The following RBFOX1 variants were observed in gnomAD, a reference collection of about 807,000 sequenced individuals.
The protein encoded by RBFOX1 is RNA binding protein fox-1 homolog 1.
Under a neutral mutation model 57.7 loss-of-function variants are expected in RBFOX1, and 8 were observed. The observed-to-expected ratio is 0.14, with a 90% CI of 0.08 to 0.25. The LOEUF (loss-of-function observed/expected upper bound fraction) is 0.25, where lower values mean the gene tolerates loss of function less well. Among genes scored for constraint, RBFOX1 ranks in the 10% least tolerant of loss-of-function variants. RBFOX1 has a pLI of 1.00. For synonymous variants in RBFOX1, 326 were observed against 222.4 expected, an observed-to-expected ratio of 1.47 and a Z score of -4.15; for missense variants, 611 against 548.5, an observed-to-expected ratio of 1.11 and a Z score of -1.14.
At chr16:5,893,251 T>C (rs2058087347) in intron 4 of RBFOX1, among the ~76,000 whole-genome samples, 1 of 152,230 alleles carries the variant, frequency 6.6e-6, no homozygotes, top group Admixed American at 6.5e-5. Flanking sequence ...GGTTTTAGCA[T>C]AGTATTTTAC....
chr16:6,962,062 C>T (rs570647033), intron 3 of RBFOX1, among the ~76,000 whole-genome samples: 1 of 152,194 alleles, frequency 6.6e-6, no homozygotes, highest in Non-Finnish European at 1.5e-5. Flanking sequence ...TAGAAGGCCT[C>T]TGACACTTTC....
At chr16:6,544,720 C>G (rs2096871070) in intron 2 of RBFOX1, among the ~76,000 whole-genome samples, 1 of 152,152 alleles carries the variant, frequency 6.6e-6, no homozygotes, top group Non-Finnish European at 1.5e-5. Context: ...TCTTTTCAAA[C>G]CTCAGTTTCC....
chr16:6,823,168 G>A (rs11077089), intron 3 of RBFOX1, among the ~76,000 whole-genome samples: 59,368 of 151,608 alleles, frequency 0.39, 12,599 homozygotes, highest in Non-Finnish European at 0.48. Context: ...GCCCCAAAGT[G>A]ATTAGGGAGC....
intron 1 of RBFOX1, among the ~76,000 whole-genome samples, chr16:6,269,439 A>G (rs1271074652): frequency 6.6e-6 from 1 of 152,210 alleles, no homozygotes; most frequent in Non-Finnish European, 1.5e-5. Context: ...AAGTCACATG[A>G]TAGTCAAACT....
At chr16:7,687,319 A>G (rs183911418) in intron 14 of RBFOX1, among the ~76,000 whole-genome samples, 1 of 151,792 alleles carries the variant, frequency 6.6e-6, no homozygotes, top group Non-Finnish European at 1.5e-5. Context: ...ATTGCAAGGA[A>G]CCTCCCTTTG....
chr16:7,200,625 T>C (rs2088118983), intron 4 of RBFOX1, among the ~76,000 whole-genome samples: 1 of 152,224 alleles, frequency 6.6e-6, no homozygotes, highest in South Asian at 2.1e-4. Flanking sequence ...CTTTATGCCT[T>C]CTTTTAAAGG....
At position 7,120,967 on chromosome 16, in the gene RBFOX1, A is replaced by G. The variant is rs148202448; in HGVS notation, c.27+68869A>G. ...CAAGGCTGGTTTCATATTGAAAAAAATCAATGTTATGTACCATATTAACAC... is the reference window on the plus strand; with the variant it reads ...CAAGGCTGGTTTCATATTGAAAAAAGTCAATGTTATGTACCATATTAACAC... On this transcript the variant is annotated intron_variant, in intron 4 of 15. Coordinates refer to ENST00000550418, the MANE Select transcript of RBFOX1 (RefSeq NM_018723.4). Among the ~76,000 whole-genome samples the G allele has an allele frequency of 3.2e-4, 49 of 152,082 alleles. 3 individuals are homozygous for G. In the East Asian group the frequency reaches 7.3e-3, roughly 23 times the overall value.
intron 3 of RBFOX1, among the ~76,000 whole-genome samples, chr16:7,002,442 C>T (rs185506073): frequency 7.7e-4 from 117 of 152,250 alleles, no homozygotes; most frequent in Non-Finnish European, 1.4e-3. Flanking sequence ...TCGCTGGGCG[C>T]GATGGCTCAT....
intron 3 of RBFOX1, among the ~76,000 whole-genome samples, chr16:6,788,665 C>T (rs890463967): frequency 1.3e-5 from 2 of 151,644 alleles, no homozygotes. Context: ...TTAGTAGAGA[C>T]GGGGTTTCAC....
chr16:6,892,209 C>T (rs949309172), intron 3 of RBFOX1, among the ~76,000 whole-genome samples: 10 of 152,140 alleles, frequency 6.6e-5, no homozygotes, highest in African/African-American at 2.4e-5. Flanking sequence ...TTTGGCCAAG[C>T]AGAACTTCCC....
At chr16:5,981,288 C>T (rs1409997488) in intron 4 of RBFOX1, among the ~76,000 whole-genome samples, 1 of 152,162 alleles carries the variant, frequency 6.6e-6, no homozygotes, top group Non-Finnish European at 1.5e-5. Context: ...TTATGGAGAG[C>T]TGGCATCTAC....
chr16:7,153,741 A>AAG (rs34323446), intron 4 of RBFOX1, among the ~76,000 whole-genome samples: 2 of 150,892 alleles, frequency 1.3e-5, no homozygotes, highest in South Asian at 4.2e-4. Flanking sequence ...AAAAAAAAAA[A>AAG]TAAGGAAAGA....
In RBFOX1 at chr16:6,972,423, G is replaced by A. The variant is rs139538810; in HGVS notation, c.-15-79634G>A. Reference sequence around the variant, plus strand: ...CATCCATGGTGTAGGATGTTTCTTCGTTTTTCAAGGCTAAGTAATATTCCC... The same window carrying A: ...CATCCATGGTGTAGGATGTTTCTTCATTTTTCAAGGCTAAGTAATATTCCC... On this transcript the variant is annotated intron_variant, in intron 3 of 15. Transcript: ENST00000550418. Among the ~76,000 whole-genome samples, 249 of 151,984 alleles carry A rather than the reference G, an allele frequency of 1.6e-3. 1 individual carries two copies. Among genetic ancestry groups the A allele is most frequent in the Admixed American group, 5.1e-3 (78 of 15,266 alleles).
intron 3 of RBFOX1, among the ~76,000 whole-genome samples, chr16:6,957,353 G>A (rs574898673): frequency 1.3e-5 from 2 of 152,026 alleles, no homozygotes; most frequent in African/African-American, 4.8e-5. Context: ...GGATGGTCTC[G>A]ATCTCCTGAC....
In RBFOX1 at chr16:7,687,835, T is replaced by G. The variant is rs2076392475; in HGVS notation, c.995+10997T>G. Among the ~76,000 whole-genome samples, 3 of 151,976 alleles carry G rather than the reference T, an allele frequency of 2.0e-5. No homozygotes were observed. The South Asian group carries it at 6.2e-4, about 32-fold the overall frequency. On this transcript the variant is annotated intron_variant, in intron 14 of 15. Coordinates refer to ENST00000550418, the MANE Select transcript of RBFOX1 (RefSeq NM_018723.4). ...CTGTTTCCTGAAGAGGCAAGATACA[T>G]ATGTTCAGAGAGGTATTCATACAGT...
intron 4 of RBFOX1, among the ~76,000 whole-genome samples, chr16:7,474,958 C>T (rs771891975): frequency 2.6e-5 from 4 of 152,112 alleles, no homozygotes; most frequent in Non-Finnish European, 4.4e-5. Context: ...AATGCAGAGC[C>T]GCCATCTTTC....
intron 9 of RBFOX1, among the ~76,000 whole-genome samples, chr16:7,599,633 A>G (rs13332754): frequency 3.6e-5 from 5 of 140,650 alleles, no homozygotes; most frequent in African/African-American, 1.4e-4. Flanking sequence ...AGAAATTAAT[A>G]AAGACTTTTT....
At position 5,795,933 on chromosome 16, in the gene RBFOX1, C is replaced by G. The variant is rs541362463; in HGVS notation, c.319-71370C>G. 4.6e-5 allele frequency among the ~76,000 whole-genome samples: 7 copies of G among 152,350 alleles called. No homozygotes were observed. The South Asian group carries it at 1.4e-3, about 32-fold the overall frequency. ...CTCTACTGGAGATAGGTCGACAACA[C>G]TCACCAGTTGCATCAATAGTCCCCA... On this transcript the variant is annotated intron_variant, in intron 3 of 19. Coordinates refer to the RBFOX1 transcript ENST00000641259.
At chr16:5,388,048 C>T (rs571221047) in intron 1 of RBFOX1, among the ~76,000 whole-genome samples, 23 of 152,268 alleles carry the variant, frequency 1.5e-4, no homozygotes, top group Admixed American at 7.2e-4. Flanking sequence ...TGAATAATCC[C>T]ATAGAAACGC....
Sources: gnomAD v4.1 joint callset for allele counts (sites outside exome capture counted in the v4.1 genomes callset) on GRCh38, gnomAD v4.1.1 for gene constraint, MANE v1.5 for transcripts, NCBI Gene and HGNC (gene_info 2026-07-23, HGNC 2026-07-21) for gene names.